The following ZNF280B variants were observed in gnomAD, a reference collection of about 807,000 sequenced individuals.
The protein encoded by ZNF280B is suppressor of hairy wing homolog 2.
In ZNF280B, 16 loss-of-function variants were observed where a neutral mutation model predicts 38.0. The observed-to-expected ratio is 0.42, with a 90% CI of 0.28 to 0.64. The LOEUF (loss-of-function observed/expected upper bound fraction) is 0.64. Among genes scored for constraint, ZNF280B ranks in the 30% least tolerant of loss-of-function variants. The pLI, the probability that ZNF280B is intolerant of heterozygous loss-of-function variation, is 0.21. For missense variants in ZNF280B, 581 were observed against 639.6 expected (o/e 0.91, Z 0.99); for synonymous variants, 253 against 230.6 (o/e 1.10, Z -0.88).
intron 2 of ZNF280B, among the ~76,000 whole-genome samples, chr22:22,506,932 C>T (rs572027529): frequency 6.6e-6 from 1 of 151,918 alleles, no homozygotes; most frequent in African/African-American, 2.4e-5. Context: ...AGCCCTCTCC[C>T]ACTAACAGGG....
chr22:22,496,819 T>C (rs1260767402), intron 2 of ZNF280B, among the ~76,000 whole-genome samples: 1 of 108,924 alleles, frequency 9.2e-6, no homozygotes, highest in Non-Finnish European at 1.7e-5. Flanking sequence ...GATCTACTCT[T>C]TTTTTTTTTT....
intron 1 of ZNF280B, 108 bp downstream of exon 1, chr22:22,508,551 G>T (rs963320569): frequency 1.3e-5 from 2 of 152,064 alleles, no homozygotes; most frequent in Non-Finnish European, 2.9e-5. Flanking sequence ...CGCTCCGGCA[G>T]CGCACGGCCA....
chr22:22,500,816 G>A lies in ZNF280B; in HGVS notation c.-186-6636C>T, dbSNP rs369117024. 1.6e-4 allele frequency among the ~76,000 whole-genome samples: 24 copies of A among 151,598 alleles called. No individual in the cohort carries two copies. The East Asian group carries it at 3.8e-3, about 24-fold the overall frequency. ...GGAGGTTGCAGTGAGCTAAGATCAC[G>A]CCACTGCACTCCAGCCTAGGCGACA... On this transcript the variant is annotated intron_variant, in intron 2 of 3. Coordinates refer to ENST00000626650, the MANE Select transcript of ZNF280B (RefSeq NM_080764.4).
Position 22,487,932 on chromosome 22 carries a change from A to T in ZNF280B, c.1467T>A (p.Pro489=). Reference sequence around the variant, plus strand: ...CAGGAGGTAATCCTTCTAGTTGCTTAGGCTTCTTAAACATTTGATGACACT... The same window carrying T: ...CAGGAGGTAATCCTTCTAGTTGCTTTGGCTTCTTAAACATTTGATGACACT... ...KTQCHQMFKK[P]KQLEGLPPET... Residue 489 remains proline (P), a synonymous_variant, in exon 4 of 4, where the codon CCT becomes CCA. Coordinates refer to ENST00000626650, the MANE Select transcript of ZNF280B (RefSeq NM_080764.4). 2 of 1,613,730 alleles carry T rather than the reference A, an allele frequency of 1.2e-6. No individual in the cohort carries two copies. The highest frequency in any genetic ancestry group is 2.2e-5 in the South Asian group (2 of 91,062).
Position 22,494,052 on chromosome 22 carries a change from A to G in ZNF280B, c.-69+11T>C, listed in dbSNP as rs982293121. 1.3e-5 allele frequency: 2 copies of G among 151,846 alleles called. No homozygotes were observed. Among genetic ancestry groups the G allele is most frequent in the Non-Finnish European group, 2.9e-5 (2 of 68,030 alleles). 9.4% of individuals were successfully genotyped at this position (151,846 alleles called of 1,614,324 possible). On this transcript the variant is annotated intron_variant, in intron 3 of 3. Coordinates refer to ENST00000626650, the MANE Select transcript of ZNF280B (RefSeq NM_080764.4). ...GTGATTGGCGCCCTTATAAGAGGAG[A>G]TATCACAGACCTTGCTTCCTCTTTC...
At chr22:22,502,269 C>T (rs979430923) in intron 2 of ZNF280B, among the ~76,000 whole-genome samples, 2 of 151,964 alleles carry the variant, frequency 1.3e-5, no homozygotes, top group African/African-American at 4.8e-5. Context: ...ACTTCACATC[C>T]ACTAGGTTAG....
intron 2 of ZNF280B, among the ~76,000 whole-genome samples, chr22:22,505,176 C>A (rs2061909179): frequency 1.3e-5 from 2 of 152,012 alleles, no homozygotes; most frequent in South Asian, 2.1e-4. Context: ...TAGGCTAACA[C>A]AGGTGGACCA....
At chr22:22,498,828 C>T (rs574978050) in intron 2 of ZNF280B, among the ~76,000 whole-genome samples, 22 of 117,964 alleles carry the variant, frequency 1.9e-4, no homozygotes, top group Middle Eastern at 0.014. Context: ...GACGGGGTCT[C>T]GCTCTGTCGC....
At chr22:22,507,985 A>G (rs113551389) in intron 1 of ZNF280B, 115 bp from the exon 2 acceptor site, 15 of 151,916 alleles carry the variant, frequency 9.9e-5, no homozygotes, top group African/African-American at 3.6e-4. Context: ...TTAACCAGAT[A>G]AGTGAACTGA....
Position 22,494,298 on chromosome 22 carries a change from G to A in ZNF280B, c.-186-118C>T, listed in dbSNP as rs1315256542. 3.3e-5 allele frequency: 5 copies of A among 152,076 alleles called. No homozygotes were observed. In the East Asian group the frequency reaches 5.9e-4, roughly 18 times the overall value. The allele number at this position is 152,076 out of a possible 1,614,324, so 9.4% of individuals were successfully genotyped here. ...CTTCCTAACCAGTTGCTCTTGGTTAGATTTTTGGCTGTTGTCCATACTGAT... is the reference window on the plus strand; with the variant it reads ...CTTCCTAACCAGTTGCTCTTGGTTAAATTTTTGGCTGTTGTCCATACTGAT... On this transcript the variant is annotated intron_variant, in intron 2 of 3. Transcript: ENST00000626650.
chr22:22,490,267 T>G (rs2061566916), intron 3 of ZNF280B, among the ~76,000 whole-genome samples: 1 of 151,862 alleles, frequency 6.6e-6, no homozygotes, highest in Non-Finnish European at 1.5e-5. Flanking sequence ...AGCAGATTGA[T>G]TGTGTTAAAC....
At chr22:22,501,689 G>A (rs1291965067) in intron 2 of ZNF280B, among the ~76,000 whole-genome samples, 1 of 151,712 alleles carries the variant, frequency 6.6e-6, no homozygotes, top group African/African-American at 2.4e-5. Context: ...ATCAGTCCAA[G>A]CAATGTAGTG....
In ZNF280B at chr22:22,487,730, G is replaced by T; in HGVS notation, c.*37C>A. ...TTGTTTTATGAGGTTTTTTAATTTG[G>T]TTTGAAATACTTGCTTTAGATTTAC... On this transcript the variant is annotated 3_prime_UTR_variant, in exon 4 of 4. Coordinates refer to ENST00000626650, the MANE Select transcript of ZNF280B (RefSeq NM_080764.4). The T allele has an allele frequency of 6.6e-7, 1 of 1,518,892 alleles. No homozygotes were observed. The allele number at this position is 1,518,892 out of a possible 1,614,324, so 94.1% of individuals were successfully genotyped here.
chr22:22,491,889 C>T (rs1311800133), intron 3 of ZNF280B, among the ~76,000 whole-genome samples: 2 of 151,912 alleles, frequency 1.3e-5, no homozygotes, highest in African/African-American at 4.8e-5. Flanking sequence ...CACTAGAAAC[C>T]AAGGTTCATA....
At chr22:22,491,234 A>G (rs2061587214) in intron 3 of ZNF280B, among the ~76,000 whole-genome samples, 1 of 151,144 alleles carries the variant, frequency 6.6e-6, no homozygotes, top group Admixed American at 6.6e-5. Flanking sequence ...TTAATTCCAC[A>G]TTTTCTATGA....
chr22:22,499,832 T>C (rs919402546), intron 2 of ZNF280B, among the ~76,000 whole-genome samples: 1 of 151,994 alleles, frequency 6.6e-6, no homozygotes, highest in Non-Finnish European at 1.5e-5. Context: ...CTAGAGGTTC[T>C]ATAGCCAAGG....
chr22:22,502,508 A>G (rs968143418), intron 2 of ZNF280B, among the ~76,000 whole-genome samples: 6 of 151,982 alleles, frequency 3.9e-5, no homozygotes, highest in Non-Finnish European at 8.8e-5. Context: ...TAATGCTGCT[A>G]CAAAGTGCAA....
chr22:22,493,198 G>T (rs112440352), intron 3 of ZNF280B, among the ~76,000 whole-genome samples: 15 of 151,714 alleles, frequency 9.9e-5, no homozygotes, highest in African/African-American at 3.6e-4. Context: ...TAGTAGAGAC[G>T]GGGTTTCACC....
chr22:22,508,705 C>T lies in ZNF280B; in HGVS notation c.-294G>A, dbSNP rs1295146431. On this transcript the variant is annotated 5_prime_UTR_variant, in exon 1 of 4. Coordinates refer to ENST00000626650, the MANE Select transcript of ZNF280B (RefSeq NM_080764.4). ...CGCGAGCTGCCGGCCACGCACCAGCCCCGGAGGCGCTCCCGGGGCACAGCC... is the reference window on the plus strand; with the variant it reads ...CGCGAGCTGCCGGCCACGCACCAGCTCCGGAGGCGCTCCCGGGGCACAGCC... 2 of 151,970 alleles carry T rather than the reference C, an allele frequency of 1.3e-5. No homozygotes were observed. The highest frequency in any genetic ancestry group is 6.6e-5 in the Admixed American group (1 of 15,256). 9.4% of individuals were successfully genotyped at this position (151,970 alleles called of 1,614,324 possible).
Sources: allele counts gnomAD v4.1 joint callset (sites outside exome capture counted in the v4.1 genomes callset), GRCh38; gene constraint gnomAD v4.1.1; transcripts MANE v1.5; gene names NCBI Gene and HGNC (gene_info 2026-07-23, HGNC 2026-07-21).